ACYP2: variants seen among roughly 807,000 people sequenced by gnomAD.
ACYP2 encodes the protein acylphosphatase-2.
ACYP2 carries 12 observed loss-of-function variants against 11.2 expected under a neutral mutation model. The observed-to-expected ratio is 1.08, with a 90% CI of 0.69 to 1.74. The LOEUF is 1.74. ACYP2 is among the 40% of genes most tolerant of loss of function. ACYP2 has a pLI of 0.00. For synonymous variants in ACYP2, 43 were observed against 32.2 expected, an observed-to-expected ratio of 1.33 and a Z score of -1.13; for missense variants, 134 against 101.9, an observed-to-expected ratio of 1.31 and a Z score of -1.35.
intron 6 of ACYP2, among the ~76,000 whole-genome samples, chr2:54,296,612 TA>T (rs1010539492): frequency 8.5e-5 from 13 of 152,166 alleles, no homozygotes; most frequent in African/African-American, 3.1e-4. Context: ...ATCAAACATA[TA>T]AAAAATGCAT....
At position 53,971,145 on chromosome 2, in the gene ACYP2, C is replaced by G. The variant is rs564239449; in HGVS notation, c.-213C>G. Reference sequence around the variant, plus strand: ...GCAGCTGGAGCCCAACGGGCTGCGCCTTCTTCGCCGTGGGCCCGGCTCGGA... The same window carrying G: ...GCAGCTGGAGCCCAACGGGCTGCGCGTTCTTCGCCGTGGGCCCGGCTCGGA... On this transcript the variant is annotated 5_prime_UTR_variant, in exon 1 of 7. Transcript: ENST00000607452. 5.1e-6 allele frequency: 1 copy of G among 195,678 alleles called. No homozygotes were observed. The highest frequency in any genetic ancestry group is 1.0e-5 in the Non-Finnish European group (1 of 97,224). The allele number at this position is 195,678 out of a possible 1,614,324, so 12.1% of individuals were successfully genotyped here.
At position 54,201,594 on chromosome 2, in the gene ACYP2, C is replaced by CTCTTTCTT. The variant is rs1553391220; in HGVS notation, c.404+62868_404+62875dup. Among the ~76,000 whole-genome samples, 314 of 95,782 alleles carry CTCTTTCTT rather than the reference C, an allele frequency of 3.3e-3. 5 individuals are homozygous for CTCTTTCTT. The highest frequency in any genetic ancestry group is 7.4e-3 in the African/African-American group (184 of 24,910). The allele number at this position is 95,782 out of a possible 152,430, so 62.8% of individuals were successfully genotyped here. A position where few individuals can be genotyped will look rare whatever the true frequency, so the allele number is the denominator to read the frequency against. On this transcript the variant is annotated intron_variant, in intron 6 of 6. Transcript: ENST00000607452. Reference sequence around the variant, plus strand: ...ATAGCCAGCTTCTTTTTCTTTCTTTCTCTTTCTTTCTTTCTTTCTTTCTTT... The same window carrying CTCTTTCTT: ...ATAGCCAGCTTCTTTTTCTTTCTTTCTCTTTCTTTCTTTCTTTCTTTCTTTCTTTCTTT...
At chr2:54,070,892 C>G (rs1433109972) in intron 4 of ACYP2, among the ~76,000 whole-genome samples, 1 of 148,478 alleles carries the variant, frequency 6.7e-6, no homozygotes, top group Non-Finnish European at 1.5e-5. Flanking sequence ...GCCACCACAC[C>G]CAGCTATTTG....
At chr2:54,107,544 A>G (rs897237636) in intron 4 of ACYP2, among the ~76,000 whole-genome samples, 2 of 152,216 alleles carry the variant, frequency 1.3e-5, no homozygotes, top group Non-Finnish European at 2.9e-5. Flanking sequence ...GCACTGGTCA[A>G]GGTTTAGTTA....
intron 6 of ACYP2, among the ~76,000 whole-genome samples, chr2:54,209,603 G>A (rs749103606): frequency 2.2e-4 from 34 of 152,216 alleles, no homozygotes; most frequent in Non-Finnish European, 3.4e-4. Flanking sequence ...CATTTATTAC[G>A]CTTCTCAGTT....
intron 4 of ACYP2, 88 bp downstream of exon 1, chr2:54,115,844 C>T (rs1004044311): frequency 4.3e-6 from 6 of 1,379,966 alleles, no homozygotes; most frequent in Admixed American, 3.3e-5. Flanking sequence ...CTAAAGTATG[C>T]CTTTTCCCGT....
At chr2:54,256,202 A>G in intron 6 of ACYP2, 1 of 1,544,560 alleles carries the variant, frequency 6.5e-7, no homozygotes, top group African/African-American at 1.4e-5. Flanking sequence ...AGAGGTAGGT[A>G]GCGTCAACGT....
At chr2:54,282,849 G>T (rs1408762132) in intron 6 of ACYP2, among the ~76,000 whole-genome samples, 1 of 152,132 alleles carries the variant, frequency 6.6e-6, no homozygotes, top group East Asian at 1.9e-4. Context: ...ATATGCACAG[G>T]AAAGGTGTGA....
intron 4 of ACYP2, among the ~76,000 whole-genome samples, chr2:54,086,204 C>G (rs1232336411): frequency 9.9e-5 from 15 of 152,130 alleles, no homozygotes; most frequent in South Asian, 4.1e-4. Context: ...CTCAGCCTCC[C>G]AAAGTGCTAG....
At chr2:54,104,153 G>C (rs1239086936) in intron 4 of ACYP2, among the ~76,000 whole-genome samples, 1 of 152,176 alleles carries the variant, frequency 6.6e-6, no homozygotes, top group Non-Finnish European at 1.5e-5. Context: ...AAGAACATCT[G>C]GCATGTAGAA....
chr2:54,300,274 G>GTACT (rs1689672341), intron 6 of ACYP2, among the ~76,000 whole-genome samples: 1 of 152,202 alleles, frequency 6.6e-6, no homozygotes, highest in South Asian at 2.1e-4. Context: ...ACTTATGAGA[G>GTACT]TATGTGTAGT....
At chr2:54,047,081 A>T (rs530753744) in intron 2 of ACYP2, among the ~76,000 whole-genome samples, 1 of 152,356 alleles carries the variant, frequency 6.6e-6, no homozygotes, top group South Asian at 2.1e-4. Context: ...ATGACATTGC[A>T]AAGGCACCAA....
At chr2:53,984,365 G>T (rs1671911187) in intron 2 of ACYP2, among the ~76,000 whole-genome samples, 1 of 151,936 alleles carries the variant, frequency 6.6e-6, no homozygotes, top group African/African-American at 2.4e-5. Context: ...ATCACCTGAG[G>T]TCAGAAGTTT....
intron 2 of ACYP2, among the ~76,000 whole-genome samples, chr2:54,006,530 C>A (rs895330341): frequency 1.6e-4 from 24 of 152,144 alleles, no homozygotes; most frequent in African/African-American, 5.8e-4. Context: ...CTTAAGTGAT[C>A]CTCCTGCTTC....
At chr2:54,128,228 T>C (rs190185253) in intron 4 of ACYP2, among the ~76,000 whole-genome samples, 1 of 152,320 alleles carries the variant, frequency 6.6e-6, no homozygotes, top group East Asian at 1.9e-4. Context: ...TTAGATTGGG[T>C]GGTTTAATAA....
At chr2:54,061,799 C>T (rs920484490) in intron 4 of ACYP2, among the ~76,000 whole-genome samples, 3 of 152,098 alleles carry the variant, frequency 2.0e-5, no homozygotes, top group African/African-American at 7.2e-5. Flanking sequence ...CTGGTCTGGA[C>T]ATGGTGGCTC....
chr2:54,013,716 A>C (rs1673522436), intron 2 of ACYP2, among the ~76,000 whole-genome samples: 1 of 136,900 alleles, frequency 7.3e-6, no homozygotes, highest in African/African-American at 3.1e-5. Flanking sequence ...GAAGCACTAC[A>C]AGAGAGAAAA....
intron 6 of ACYP2, among the ~76,000 whole-genome samples, chr2:54,164,381 C>G (rs1682861059): frequency 6.6e-6 from 1 of 152,118 alleles, no homozygotes; most frequent in Non-Finnish European, 1.5e-5. Flanking sequence ...AGAATGCTTT[C>G]AGCTGGGGGC....
intron 6 of ACYP2, among the ~76,000 whole-genome samples, chr2:54,236,296 C>A (rs1283647253): frequency 6.6e-6 from 1 of 152,036 alleles, no homozygotes; most frequent in Non-Finnish European, 1.5e-5. Context: ...GGATGTTTAG[C>A]TTATTGCTTT....
Sources: gnomAD v4.1 joint callset for allele counts (sites outside exome capture counted in the v4.1 genomes callset) on GRCh38, gnomAD v4.1.1 for gene constraint, MANE v1.5 for transcripts, NCBI Gene and HGNC (gene_info 2026-07-23, HGNC 2026-07-21) for gene names.